Variants in TMEM178B observed in about 807,000 individuals in gnomAD.
TMEM178B encodes the protein transmembrane protein 178B.
A neutral mutation model predicts 31.0 loss-of-function variants in TMEM178B; 5 were observed. The observed-to-expected ratio is 0.16, with a 90% confidence interval of 0.08 to 0.34. The LOEUF is 0.34. Among genes scored for constraint, TMEM178B ranks in the 10% least tolerant of loss-of-function variants. The pLI is 1.00. For missense variants in TMEM178B, 275 were observed against 400.3 expected, an observed-to-expected ratio of 0.69 and a Z score of 2.67; for synonymous variants, 164 against 164.0, an observed-to-expected ratio of 1.00 and a Z score of 0.00.
At chr7:141,470,375 A>T (rs1437390129) in intron 3 of TMEM178B, among the ~76,000 whole-genome samples, 161 bp from the exon 4 acceptor site, 2 of 152,176 alleles carry the variant, frequency 1.3e-5, no homozygotes, top group East Asian at 3.9e-4. Context: ...ATATTTCCAG[A>T]TACTGACCTT....
At chr7:141,436,462 C>A (rs538333959) in intron 2 of TMEM178B, among the ~76,000 whole-genome samples, 3 of 152,134 alleles carry the variant, frequency 2.0e-5, no homozygotes, top group Non-Finnish European at 4.4e-5. Flanking sequence ...CTGTGTGGAG[C>A]CCCACTGGCA....
chr7:141,436,069 A>G (rs892354404), intron 2 of TMEM178B, among the ~76,000 whole-genome samples: 4 of 152,134 alleles, frequency 2.6e-5, no homozygotes, highest in Admixed American at 1.3e-4. Flanking sequence ...CAATGTCAGG[A>G]CAAGAAGGGT....
At chr7:141,114,748 C>T (rs945639549) in intron 1 of TMEM178B, among the ~76,000 whole-genome samples, 3 of 152,234 alleles carry the variant, frequency 2.0e-5, no homozygotes, top group Non-Finnish European at 4.4e-5. Flanking sequence ...AGATAACCTA[C>T]TGCATATAAA....
At chr7:141,253,916 C>G (rs1797878010) in intron 2 of TMEM178B, among the ~76,000 whole-genome samples, 1 of 152,134 alleles carries the variant, frequency 6.6e-6, no homozygotes, top group Non-Finnish European at 1.5e-5. Context: ...TTGTTAGGAC[C>G]CCCTACATAA....
chr7:141,250,270 T>C (rs369080857), intron 2 of TMEM178B, among the ~76,000 whole-genome samples: 13 of 152,322 alleles, frequency 8.5e-5, no homozygotes, highest in African/African-American at 2.9e-4. Context: ...ATGCACTGAT[T>C]TATTGAATCT....
chr7:141,455,111 C>T (rs1030104088), intron 3 of TMEM178B, among the ~76,000 whole-genome samples: 5 of 152,176 alleles, frequency 3.3e-5, no homozygotes, highest in Non-Finnish European at 5.9e-5. Flanking sequence ...TACAGGGATT[C>T]TCATTGAAAG....
intron 1 of TMEM178B, among the ~76,000 whole-genome samples, chr7:141,097,816 A>G (rs1415102465): frequency 1.5e-5 from 2 of 134,398 alleles, no homozygotes; most frequent in Admixed American, 7.4e-5. Flanking sequence ...TTTTTGAGAC[A>G]AAGTCTCACT....
intron 2 of TMEM178B, among the ~76,000 whole-genome samples, chr7:141,399,858 G>A (rs974164732): frequency 1.3e-5 from 2 of 151,994 alleles, no homozygotes; most frequent in South Asian, 4.2e-4. Flanking sequence ...GTCTTACTTT[G>A]GGTCTTGAAA....
chr7:141,155,307 AG>A (rs1172307070), intron 1 of TMEM178B, among the ~76,000 whole-genome samples: 1 of 152,204 alleles, frequency 6.6e-6, no homozygotes, highest in Non-Finnish European at 1.5e-5. Context: ...CTTGCTGCCA[AG>A]GATCTGGGTA....
At chr7:141,496,334 T>A in the TMEM178B span, among the ~76,000 whole-genome samples, 1 of 152,306 alleles carries the variant, frequency 6.6e-6, no homozygotes, top group East Asian at 1.9e-4. Flanking sequence ...GTGATCCATA[T>A]AAGGATCTTT....
the TMEM178B span, among the ~76,000 whole-genome samples, chr7:141,485,699 T>C: frequency 5.9e-5 from 9 of 152,324 alleles, no homozygotes; most frequent in South Asian, 1.7e-3. Flanking sequence ...AACTCGATGA[T>C]GGTGCAGGTC....
At chr7:141,217,491 T>C (rs561325660) in intron 2 of TMEM178B, among the ~76,000 whole-genome samples, 2 of 152,188 alleles carry the variant, frequency 1.3e-5, no homozygotes, top group African/African-American at 4.8e-5. Context: ...CTGCCCCAGG[T>C]GAGGACCCCA....
chr7:141,445,178 A>G (rs1194854404), intron 3 of TMEM178B, among the ~76,000 whole-genome samples: 1 of 152,180 alleles, frequency 6.6e-6, no homozygotes, highest in Non-Finnish European at 1.5e-5. Context: ...CGATGATGCC[A>G]CATGTCTGGC....
At chr7:141,337,804 A>C (rs1484514282) in intron 2 of TMEM178B, among the ~76,000 whole-genome samples, 1 of 152,184 alleles carries the variant, frequency 6.6e-6, no homozygotes, top group Non-Finnish European at 1.5e-5. Flanking sequence ...GGTGGAAAAT[A>C]TTCAAAAGAG....
intron 2 of TMEM178B, among the ~76,000 whole-genome samples, chr7:141,356,641 C>T (rs115957600): frequency 0.04 from 3,238 of 80,836 alleles, 115 homozygotes; most frequent in African/African-American, 0.13. Flanking sequence ...ACCATAGTTG[C>T]GGGGTTGGGC....
chr7:141,223,512 C>T (rs61238907), intron 2 of TMEM178B, among the ~76,000 whole-genome samples: 2,336 of 135,076 alleles, frequency 0.017, 57 homozygotes, highest in African/African-American at 0.066. Flanking sequence ...TCCCTGATAT[C>T]TAACTCTGGT....
At chr7:141,129,331 G>A (rs1795557196) in intron 1 of TMEM178B, among the ~76,000 whole-genome samples, 1 of 152,134 alleles carries the variant, frequency 6.6e-6, no homozygotes, top group African/African-American at 2.4e-5. Context: ...TATTCCCATA[G>A]GTACATCTTT....
At chr7:141,208,711 C>T (rs955205796) in intron 1 of TMEM178B, among the ~76,000 whole-genome samples, 3 of 152,176 alleles carry the variant, frequency 2.0e-5, no homozygotes, top group Non-Finnish European at 2.9e-5. Context: ...TCAAGGGCCT[C>T]TTCCCTCTCT....
At chr7:141,276,823 C>T (rs529423009) in intron 2 of TMEM178B, among the ~76,000 whole-genome samples, 1 of 152,318 alleles carries the variant, frequency 6.6e-6, no homozygotes, top group African/African-American at 2.4e-5. Flanking sequence ...CCTGTTGCTG[C>T]TAGGCTACAA....
Sources: gnomAD v4.1 joint callset for allele counts (sites outside exome capture counted in the v4.1 genomes callset) on GRCh38, gnomAD v4.1.1 for gene constraint, MANE v1.5 for transcripts, NCBI Gene and HGNC (gene_info 2026-07-23, HGNC 2026-07-21) for gene names.